The following NCALD variants were observed in gnomAD, a reference collection of about 807,000 sequenced individuals.
NCALD encodes the protein neurocalcin-delta.
In NCALD, 10 loss-of-function variants were observed where a neutral mutation model predicts 18.6. The ratio of observed to expected loss-of-function variants is 0.54; its 90% CI spans 0.33 to 0.91. The LOEUF is 0.91. Among genes scored for constraint, NCALD ranks in the 40% least tolerant of loss-of-function variants. The pLI, the probability that NCALD is intolerant of heterozygous loss-of-function variation, is 0.03. For missense variants in NCALD, 184 were observed against 247.6 expected, an observed-to-expected ratio of 0.74 and a Z score of 1.72; for synonymous variants, 88 against 87.4, an observed-to-expected ratio of 1.01 and a Z score of -0.04.
intron 2 of NCALD, among the ~76,000 whole-genome samples, chr8:101,942,057 C>T (rs1818978498): frequency 6.6e-6 from 1 of 152,170 alleles, no homozygotes; most frequent in African/African-American, 2.4e-5. Flanking sequence ...TGAAACCAAG[C>T]AAACACTTTA....
intron 1 of NCALD, among the ~76,000 whole-genome samples, chr8:102,111,791 T>C (rs1195935433): frequency 1.3e-5 from 2 of 152,136 alleles, no homozygotes; most frequent in East Asian, 3.9e-4. Flanking sequence ...CAAAATCTCT[T>C]ACATAACACT....
chr8:101,878,305 A>C (rs1310227442), intron 4 of NCALD, among the ~76,000 whole-genome samples: 1 of 152,226 alleles, frequency 6.6e-6, no homozygotes, highest in Non-Finnish European at 1.5e-5. Flanking sequence ...ACTTTGAAAA[A>C]TGTTACTCTG....
chr8:102,108,085 G>T (rs186662653), intron 1 of NCALD, among the ~76,000 whole-genome samples: 1 of 152,260 alleles, frequency 6.6e-6, no homozygotes, highest in African/African-American at 2.4e-5. Flanking sequence ...GTACAGGATG[G>T]GGGAGGGAAG....
At chr8:101,918,741 C>CACACAA in intron 2 of NCALD, among the ~76,000 whole-genome samples, 1 of 66,942 alleles carries the variant, frequency 1.5e-5, no homozygotes, top group African/African-American at 1.7e-4. Context: ...TTACAATAGC[C>CACACAA]ACACACACAC....
intron 2 of NCALD, among the ~76,000 whole-genome samples, chr8:101,968,590 C>T (rs547373681): frequency 1.3e-5 from 2 of 152,212 alleles, no homozygotes; most frequent in South Asian, 2.1e-4. Flanking sequence ...TGACTCAGGA[C>T]GCTGTGAAAA....
chr8:101,717,683 A>G (rs890123294), intron 2 of NCALD, among the ~76,000 whole-genome samples: 1 of 152,018 alleles, frequency 6.6e-6, no homozygotes, highest in African/African-American at 2.4e-5. Context: ...CAGACCAGCT[A>G]CAACAAAGAA....
chr8:101,898,775 C>T lies in NCALD; in HGVS notation c.-106-11548G>A, dbSNP rs1451895476. 2.0e-5 allele frequency among the ~76,000 whole-genome samples: 3 copies of T among 152,120 alleles called. No individual in the cohort carries two copies. In the East Asian group the frequency reaches 5.8e-4, roughly 29 times the overall value. On this transcript the variant is annotated intron_variant, in intron 3 of 6. Transcript: ENST00000311028. ...CTTTGCTAATTCCACACAGTCTTGA[C>T]TACGATAGCTATACTAATTTTGAAA...
At chr8:101,964,642 A>C (rs1819956173) in intron 2 of NCALD, among the ~76,000 whole-genome samples, 1 of 152,192 alleles carries the variant, frequency 6.6e-6, no homozygotes, top group Non-Finnish European at 1.5e-5. Context: ...CAGAAGGAAG[A>C]GGATAGAAGT....
At chr8:101,751,545 AG>A (rs1424606398) in intron 1 of NCALD, among the ~76,000 whole-genome samples, 3 of 152,160 alleles carry the variant, frequency 2.0e-5, no homozygotes, top group African/African-American at 7.2e-5. Context: ...AAGGAAGGAA[AG>A]GAGGGAGGGA....
At chr8:101,805,151 A>G (rs1032545551) in intron 4 of NCALD, among the ~76,000 whole-genome samples, 1 of 152,200 alleles carries the variant, frequency 6.6e-6, no homozygotes, top group Non-Finnish European at 1.5e-5. Flanking sequence ...CAATGCAGAA[A>G]CATTCATTCA....
chr8:101,971,438 T>C (rs143495010), intron 2 of NCALD, among the ~76,000 whole-genome samples: 2,954 of 152,202 alleles, frequency 0.019, 32 homozygotes, highest in South Asian at 0.03. Context: ...GTTTCCCCCA[T>C]TCTGTTCTCA....
At chr8:101,897,863 T>C (rs1036551971) in intron 3 of NCALD, among the ~76,000 whole-genome samples, 7 of 152,216 alleles carry the variant, frequency 4.6e-5, no homozygotes, top group Non-Finnish European at 1.0e-4. Flanking sequence ...CCAAATCTCA[T>C]CTTGAATTGT....
chr8:101,734,750 C>G (rs1161158222), intron 1 of NCALD, among the ~76,000 whole-genome samples: 1 of 152,126 alleles, frequency 6.6e-6, no homozygotes, highest in Non-Finnish European at 1.5e-5. Flanking sequence ...AAAACCACAC[C>G]ACATTTCTTC....
At chr8:102,085,348 T>A (rs1824702355) in intron 1 of NCALD, among the ~76,000 whole-genome samples, 1 of 152,192 alleles carries the variant, frequency 6.6e-6, no homozygotes, top group Non-Finnish European at 1.5e-5. Flanking sequence ...CCAGTCACCC[T>A]CTCTAGACAG....
At chr8:101,748,470 G>A (rs2130753902) in intron 1 of NCALD, among the ~76,000 whole-genome samples, 1 of 152,252 alleles carries the variant, frequency 6.6e-6, no homozygotes, top group Non-Finnish European at 1.5e-5. Context: ...AAAACTTAGT[G>A]GAGAAAGTGA....
chr8:102,081,850 C>G lies in NCALD; in HGVS notation c.-210+42387G>C, dbSNP rs372732040. 2.6e-4 allele frequency among the ~76,000 whole-genome samples: 39 copies of G among 152,350 alleles called. No individual in the cohort carries two copies. The East Asian group carries it at 3.7e-3, about 14-fold the overall frequency. Reference sequence around the variant, plus strand: ...ACCAACACAAGCCTAAGGGACCCCTCTGGCTGCTGGATTAGCCCTAAAGGC... The same window carrying G: ...ACCAACACAAGCCTAAGGGACCCCTGTGGCTGCTGGATTAGCCCTAAAGGC... On this transcript the variant is annotated intron_variant, in intron 1 of 6. Transcript: ENST00000311028.
intron 1 of NCALD, among the ~76,000 whole-genome samples, chr8:102,074,470 T>G (rs1160788136): frequency 1.3e-5 from 2 of 152,188 alleles, no homozygotes; most frequent in Non-Finnish European, 2.9e-5. Context: ...GTTCCTGACA[T>G]TGGTGTGACA....
intron 2 of NCALD, among the ~76,000 whole-genome samples, chr8:102,009,547 G>A (rs1395685018): frequency 2.0e-5 from 3 of 152,132 alleles, no homozygotes; most frequent in African/African-American, 7.2e-5. Flanking sequence ...AAGCTTCCAG[G>A]TCAGAGATGA....
chr8:101,952,509 G>A (rs1819468693), intron 2 of NCALD, among the ~76,000 whole-genome samples: 1 of 152,148 alleles, frequency 6.6e-6, no homozygotes, highest in Non-Finnish European at 1.5e-5. Flanking sequence ...ACACATCTCA[G>A]CCCTCCTGGG....
Sources: allele counts gnomAD v4.1 joint callset (sites outside exome capture counted in the v4.1 genomes callset), GRCh38; gene constraint gnomAD v4.1.1; transcripts MANE v1.5; gene names NCBI Gene and HGNC (gene_info 2026-07-23, HGNC 2026-07-21).